The following PCDH11Y variants were observed in gnomAD, a reference collection of about 807,000 sequenced individuals.
PCDH11Y encodes protocadherin 11 Y-linked, also known as protocadherin-11 Y-linked.
For missense variants in PCDH11Y, 12 were observed against 224.8 expected (o/e 0.05, Z 6.05); for synonymous variants, 9 against 83.6 (o/e 0.11, Z 4.87).
chrY:5,217,708 AT>A (rs2052948180), intron 2 of PCDH11Y, among the ~76,000 whole-genome samples: 1 of 33,890 alleles, frequency 3.0e-5, no homozygotes, highest in African/African-American at 1.1e-4. Context: ...GGTTGTACCA[AT>A]ATTCATTTGC....
intron 2 of PCDH11Y, among the ~76,000 whole-genome samples, chrY:5,428,958 G>A (rs2053265957): frequency 3.0e-5 from 1 of 32,826 alleles, no homozygotes; most frequent in Non-Finnish European, 7.5e-5. Context: ...CTAAAACATC[G>A]ATATACAGGA....
At position 5,082,183 on chromosome Y, in the gene PCDH11Y, G is replaced by T. The variant is rs2052721847; in HGVS notation, c.637-16032G>T. ...TGATGAATTATGTTTATTTATTTGT[G>T]TATGTTGAACCAGCCTTGCATCTTG... On this transcript the variant is annotated intron_variant, in intron 1 of 1. Coordinates refer to ENST00000215473, the Ensembl canonical transcript of PCDH11Y. 3.9e-4 allele frequency among the ~76,000 whole-genome samples: 13 copies of T among 33,628 alleles called. No homozygotes were observed. In the South Asian group the frequency reaches 8.5e-3, roughly 22 times the overall value. 90.2% of individuals were successfully genotyped at this position (33,628 alleles called of 37,273 possible). A position where few individuals can be genotyped will look rare whatever the true frequency, so the allele number is the denominator to read the frequency against.
At chrY:5,044,633 G>A in intron 3 of PCDH11Y, among the ~76,000 whole-genome samples, 1 of 32,669 alleles carries the variant, frequency 3.1e-5, no homozygotes, top group Non-Finnish European at 7.5e-5. Flanking sequence ...AGGTCCGCTT[G>A]GTGCAGAGCT....
chrY:5,063,490 A>G (rs2124629293), intron 1 of PCDH11Y, among the ~76,000 whole-genome samples: 1 of 23,084 alleles, frequency 4.3e-5, no homozygotes, highest in South Asian at 1.1e-3. Context: ...TAAAGTGCAG[A>G]TGAAAACTAA....
chrY:5,033,059 C>T (rs2052593682), intron 3 of PCDH11Y, among the ~76,000 whole-genome samples: 25 of 32,048 alleles, frequency 7.8e-4, no homozygotes, highest in African/African-American at 1.2e-3. Context: ...AGTTTACTGA[C>T]GGTAAGCAAT....
At chrY:5,303,208 T>G in intron 2 of PCDH11Y, among the ~76,000 whole-genome samples, 1 of 32,159 alleles carries the variant, frequency 3.1e-5, no homozygotes, top group African/African-American at 1.2e-4. Flanking sequence ...AAAATTTTGC[T>G]CAGCTGAGCA....
chrY:5,651,197 A>T, intron 4 of PCDH11Y, among the ~76,000 whole-genome samples: 7 of 32,496 alleles, frequency 2.2e-4, no homozygotes, highest in Non-Finnish European at 1.5e-4. Flanking sequence ...TGGACACTGG[A>T]GAAAATAAGG....
chrY:5,416,698 T>C (rs1167523786), intron 2 of PCDH11Y, among the ~76,000 whole-genome samples: 611 of 31,797 alleles, frequency 0.019, no homozygotes, highest in Non-Finnish European at 0.036. Context: ...ATTTGCTAGA[T>C]GCTCTAAGAT....
At chrY:5,670,284 C>T in intron 4 of PCDH11Y, among the ~76,000 whole-genome samples, 3 of 32,828 alleles carry the variant, frequency 9.1e-5, no homozygotes, top group African/African-American at 3.5e-4. Context: ...GTGCAAATGT[C>T]TCTTTGATAT....
At chrY:5,069,945 T>C (rs1013531807) in intron 1 of PCDH11Y, among the ~76,000 whole-genome samples, 705 of 33,576 alleles carry the variant, frequency 0.021, no homozygotes, top group Middle Eastern at 0.042. Context: ...GTTTTTGTTA[T>C]ACTTTCCTAT....
At chrY:5,707,024 T>G in intron 4 of PCDH11Y, among the ~76,000 whole-genome samples, 1 of 31,304 alleles carries the variant, frequency 3.2e-5, no homozygotes, top group Non-Finnish European at 7.8e-5. Flanking sequence ...CACAGAGTAG[T>G]TTGCTACTGT....
At chrY:5,452,445 T>C (rs2053293995) in intron 2 of PCDH11Y, among the ~76,000 whole-genome samples, 1 of 33,393 alleles carries the variant, frequency 3.0e-5, no homozygotes, top group Non-Finnish European at 7.4e-5. Context: ...GCTTAATCCA[T>C]GTTGGGATAG....
chrY:5,172,537 AGAGT>A (rs2052888038), intron 2 of PCDH11Y, among the ~76,000 whole-genome samples: 2 of 32,454 alleles, frequency 6.2e-5, no homozygotes, highest in African/African-American at 2.4e-4. Context: ...TGAATAAGAG[AGAGT>A]ATTTGTTACA....
chrY:5,066,321 C>T, intron 1 of PCDH11Y, among the ~76,000 whole-genome samples: 1 of 32,038 alleles, frequency 3.1e-5, no homozygotes, highest in Non-Finnish European at 7.6e-5. Context: ...AACAGAAGAA[C>T]GAAGTTGTGT....
intron 2 of PCDH11Y, among the ~76,000 whole-genome samples, chrY:5,275,894 T>C: frequency 3.0e-5 from 1 of 33,509 alleles, no homozygotes; most frequent in African/African-American, 1.2e-4. Flanking sequence ...ATGATTCAAT[T>C]TATTTTTAAA....
chrY:5,508,799 A>T, intron 3 of PCDH11Y, among the ~76,000 whole-genome samples: 1 of 33,088 alleles, frequency 3.0e-5, no homozygotes, highest in Non-Finnish European at 7.5e-5. Context: ...AGCTCTGTGA[A>T]CTTGGATAGG....
intron 3 of PCDH11Y, among the ~76,000 whole-genome samples, chrY:5,033,082 G>C (rs2124621899): frequency 3.2e-5 from 1 of 30,956 alleles, no homozygotes; most frequent in Admixed American, 3.1e-4. Context: ...AGTTGTAAAG[G>C]CCCCTCTGGA....
rs1569475842 is a variant in PCDH11Y, at chrY:5,191,023, A to C, written c.3129+90316A>C. On this transcript the variant is annotated intron_variant, in intron 2 of 4. Coordinates refer to the PCDH11Y transcript ENST00000400457. Reference sequence around the variant, plus strand: ...TTGGAGGCAAAATTAACTTATTCAGAATACTATTTCCTAGAATATAAAGAG... The same window carrying C: ...TTGGAGGCAAAATTAACTTATTCAGCATACTATTTCCTAGAATATAAAGAG... 4.0e-4 allele frequency among the ~76,000 whole-genome samples: 13 copies of C among 32,794 alleles called. No individual in the cohort carries two copies. In the East Asian group the frequency reaches 1.0e-2, roughly 25 times the overall value. The allele number at this position is 32,794 out of a possible 37,273, so 88.0% of individuals were successfully genotyped here.
chrY:5,591,790 A>C, intron 4 of PCDH11Y, among the ~76,000 whole-genome samples: 1 of 33,428 alleles, frequency 3.0e-5, no homozygotes, highest in Non-Finnish European at 7.4e-5. Flanking sequence ...TTATTTACCC[A>C]AAAGTCATTC....
Sources: gnomAD v4.1 joint callset for allele counts (sites outside exome capture counted in the v4.1 genomes callset) on GRCh38, gnomAD v4.1.1 for gene constraint, MANE v1.5 for transcripts, NCBI Gene and HGNC (gene_info 2026-07-23, HGNC 2026-07-21) for gene names.